FHIT: variants seen among roughly 807,000 people sequenced by gnomAD.
The protein encoded by FHIT is fragile histidine triad diadenosine triphosphatase, also known as bis(5'-adenosyl)-triphosphatase.
A neutral mutation model predicts 17.9 loss-of-function variants in FHIT; 19 were observed. The observed-to-expected ratio is 1.06, with a 90% CI of 0.74 to 1.56. The LOEUF (loss-of-function observed/expected upper bound fraction) is 1.56. FHIT is among the 40% of genes most tolerant of loss of function. The probability of loss-of-function intolerance (pLI) is 0.00; values close to 1 mark genes in which losing one functional copy is unlikely to be tolerated. For synonymous variants in FHIT, 81 were observed against 69.7 expected, an observed-to-expected ratio of 1.16 and a Z score of -0.81; for missense variants, 248 against 189.2, an observed-to-expected ratio of 1.31 and a Z score of -1.82.
intron 5 of FHIT, among the ~76,000 whole-genome samples, chr3:60,054,346 G>A (rs185506391): frequency 2.0e-5 from 3 of 152,300 alleles, no homozygotes; most frequent in African/African-American, 7.2e-5. Context: ...CTTTATGTGT[G>A]TGAGATAAAT....
intron 3 of FHIT, among the ~76,000 whole-genome samples, chr3:60,858,937 C>T (rs1278512060): frequency 6.6e-6 from 1 of 152,128 alleles, no homozygotes; most frequent in Non-Finnish European, 1.5e-5. Flanking sequence ...TAGTGTTCCC[C>T]CAGGACATTC....
intron 3 of FHIT, among the ~76,000 whole-genome samples, chr3:60,822,928 T>C (rs1424015688): frequency 6.6e-6 from 1 of 152,206 alleles, no homozygotes; most frequent in Non-Finnish European, 1.5e-5. Context: ...GTACACTTCT[T>C]TGAAATAAAA....
At chr3:60,535,024 T>G (rs2035930278) in intron 5 of FHIT, among the ~76,000 whole-genome samples, 1 of 152,132 alleles carries the variant, frequency 6.6e-6, no homozygotes. Context: ...ATTAACCATT[T>G]TAAAAAGTGG....
At chr3:60,705,907 A>T (rs1378064855) in intron 4 of FHIT, among the ~76,000 whole-genome samples, 1 of 152,226 alleles carries the variant, frequency 6.6e-6, no homozygotes, top group Non-Finnish European at 1.5e-5. Context: ...CTTCCTTTGA[A>T]TAAGAATATA....
intron 5 of FHIT, among the ~76,000 whole-genome samples, chr3:60,178,445 G>A (rs1288893216): frequency 2.0e-5 from 3 of 151,978 alleles, no homozygotes; most frequent in Non-Finnish European, 4.4e-5. Context: ...AATTACCTGG[G>A]TGTTGTGGCG....
chr3:59,815,360 C>A (rs770777342), intron 8 of FHIT, among the ~76,000 whole-genome samples: 2 of 152,100 alleles, frequency 1.3e-5, no homozygotes, highest in Admixed American at 6.5e-5. Context: ...ACCATTTGAT[C>A]CAGCAATCCC....
intron 5 of FHIT, among the ~76,000 whole-genome samples, chr3:60,042,189 T>C (rs1701469244): frequency 6.6e-6 from 1 of 152,216 alleles, no homozygotes; most frequent in African/African-American, 2.4e-5. Context: ...TAGAAATTTA[T>C]TAGAAGCAGC....
chr3:60,794,858 A>AT (rs766484515), intron 4 of FHIT, among the ~76,000 whole-genome samples: 6 of 152,120 alleles, frequency 3.9e-5, no homozygotes, highest in Non-Finnish European at 5.9e-5. Flanking sequence ...GCTATGGGCA[A>AT]TTTTGTTTAC....
rs145315348 is a variant in FHIT at position 60,593,932 on chromosome 3, C to T, written c.-17-56953G>A. On this transcript the variant is annotated intron_variant, in intron 4 of 9. Transcript: ENST00000492590. ...ATATTTCTAAGACCAAATATTCTCC[C>T]TCAAGTAATATAAATTTATAGGTAT... Among the ~76,000 whole-genome samples the T allele has an allele frequency of 5.3e-5, 8 of 152,174 alleles. No homozygotes were observed. The East Asian group carries it at 1.5e-3, about 29-fold the overall frequency.
At position 60,854,555 on chromosome 3, in the gene FHIT, A is replaced by ATTTT. The variant is rs35428632; in HGVS notation, c.-110-32548_-110-32545dup. Among the ~76,000 whole-genome samples the ATTTT allele has an allele frequency of 1.0e-4, 14 of 138,496 alleles. 3 individuals carry two copies. Among genetic ancestry groups the ATTTT allele is most frequent in the Admixed American group, 2.2e-4 (3 of 13,506 alleles). The allele number at this position is 138,496 out of a possible 152,430, so 90.9% of individuals were successfully genotyped here. ...GTCATGAATGCCCCAGCCTACTTCTATTTTTTTTTTTTTTTTCCTCTGCTG... is the reference window on the plus strand; with the variant it reads ...GTCATGAATGCCCCAGCCTACTTCTATTTTTTTTTTTTTTTTTTTTCCTCTGCTG... On this transcript the variant is annotated intron_variant, in intron 3 of 9. Transcript: ENST00000492590.
At chr3:59,931,349 C>T (rs1392636922) in intron 7 of FHIT, among the ~76,000 whole-genome samples, 1 of 152,168 alleles carries the variant, frequency 6.6e-6, no homozygotes, top group Non-Finnish European at 1.5e-5. Flanking sequence ...TCTTCTGCAA[C>T]TAAGTCGAGT....
chr3:60,865,461 T>C (rs539855365), intron 3 of FHIT, among the ~76,000 whole-genome samples: 20 of 152,304 alleles, frequency 1.3e-4, no homozygotes, highest in Admixed American at 3.3e-4. Flanking sequence ...AAAGTAGTGA[T>C]TTGTTAGACA....
At chr3:59,839,987 C>G (rs994047966) in intron 8 of FHIT, among the ~76,000 whole-genome samples, 3 of 152,194 alleles carry the variant, frequency 2.0e-5, no homozygotes, top group Admixed American at 1.3e-4. Flanking sequence ...TGTTTCACCA[C>G]TGAATCTCAC....
chr3:59,806,435 A>T (rs1700199810), intron 8 of FHIT, among the ~76,000 whole-genome samples: 1 of 152,054 alleles, frequency 6.6e-6, no homozygotes, highest in African/African-American at 2.4e-5. Context: ...TACTCTTTCC[A>T]ATGCTTCGTT....
chr3:60,317,770 T>A (rs1709230737), intron 5 of FHIT, among the ~76,000 whole-genome samples: 1 of 143,672 alleles, frequency 7.0e-6, no homozygotes. Context: ...AAAATTCCAT[T>A]CTGGGCAAGT....
chr3:60,065,772 T>A (rs1420251576), intron 5 of FHIT, among the ~76,000 whole-genome samples: 2 of 152,142 alleles, frequency 1.3e-5, no homozygotes, highest in African/African-American at 4.8e-5. Flanking sequence ...CCTGTTCCCA[T>A]CCCATGGCCA....
chr3:60,870,443 T>C (rs1704364143), intron 3 of FHIT, among the ~76,000 whole-genome samples: 1 of 152,088 alleles, frequency 6.6e-6, no homozygotes, highest in Non-Finnish European at 1.5e-5. Context: ...GGCCTTCAAG[T>C]ATTCTAATGT....
chr3:61,144,411 G>C (rs754176003), intron 2 of FHIT, among the ~76,000 whole-genome samples: 16 of 152,154 alleles, frequency 1.1e-4, no homozygotes, highest in Non-Finnish European at 2.2e-4. Context: ...TTCCATTATA[G>C]GAATATGCCA....
chr3:60,453,254 C>G (rs1392114669), intron 5 of FHIT, among the ~76,000 whole-genome samples: 2 of 151,660 alleles, frequency 1.3e-5, no homozygotes, highest in African/African-American at 4.9e-5. Context: ...ATGCTTCTAA[C>G]TTGGCTTTGC....
Sources: gnomAD v4.1 joint callset for allele counts (sites outside exome capture counted in the v4.1 genomes callset) on GRCh38, gnomAD v4.1.1 for gene constraint, MANE v1.5 for transcripts, NCBI Gene and HGNC (gene_info 2026-07-23, HGNC 2026-07-21) for gene names.